MIGA1: variants seen among roughly 807,000 people sequenced by gnomAD.
MIGA1 encodes the protein family with sequence similarity 73, member A.
In MIGA1, 58 loss-of-function variants were observed where a neutral mutation model predicts 82.0. The ratio of observed to expected loss-of-function variants is 0.71; its 90% CI spans 0.57 to 0.88. MIGA1 has a LOEUF of 0.88. Among genes scored for constraint, MIGA1 ranks in the 40% least tolerant of loss-of-function variants. MIGA1 has a pLI of 0.00. For synonymous variants in MIGA1, 249 were observed against 253.6 expected (o/e 0.98, Z 0.17); for missense variants, 751 against 749.1 (o/e 1.00, Z -0.03).
At chr1:77,874,635 G>C (rs1646879559) in intron 15 of MIGA1, among the ~76,000 whole-genome samples, 1 of 151,960 alleles carries the variant, frequency 6.6e-6, no homozygotes, top group Non-Finnish European at 1.5e-5. Flanking sequence ...AGGGTGGGTG[G>C]TATTAGCCCT....
At chr1:77,814,566 A>C (rs911274950) in intron 6 of MIGA1, among the ~76,000 whole-genome samples, 4 of 152,142 alleles carry the variant, frequency 2.6e-5, no homozygotes, top group South Asian at 4.1e-4. Flanking sequence ...CTGGCTTGGA[A>C]TTTTTTAAAG....
intron 7 of MIGA1, among the ~76,000 whole-genome samples, chr1:77,829,744 T>G (rs1422202880): frequency 6.6e-6 from 1 of 152,180 alleles, no homozygotes; most frequent in East Asian, 1.9e-4. Context: ...GTCCTGAGAT[T>G]ACAGGCGTGA....
At chr1:77,848,356 A>G in intron 8 of MIGA1, 1 of 1,210,282 alleles carries the variant, frequency 8.3e-7, no homozygotes, top group Non-Finnish European at 1.2e-6. Flanking sequence ...GAGAAAGGAG[A>G]GAAGGAAGAG....
intron 2 of MIGA1, among the ~76,000 whole-genome samples, chr1:77,787,997 CT>C (rs1315382552): frequency 2.7e-5 from 4 of 149,882 alleles, no homozygotes; most frequent in Non-Finnish European, 5.9e-5. Flanking sequence ...TGTATTTTTT[CT>C]TTTTTTTAGA....
chr1:77,801,309 A>T (rs1438215834), intron 2 of MIGA1, 22 bp from the exon 3 acceptor site: 1 of 1,521,844 alleles, frequency 6.6e-7, no homozygotes, highest in Non-Finnish European at 8.7e-7. Flanking sequence ...ATTTTTTTCA[A>T]TTTTAACTGA....
chr1:77,802,348 G>A (rs1682919225), intron 3 of MIGA1, among the ~76,000 whole-genome samples: 1 of 152,126 alleles, frequency 6.6e-6, no homozygotes. Flanking sequence ...TGTGAATTAG[G>A]ATTATAGTCT....
chr1:77,797,621 T>C (rs999656003), intron 2 of MIGA1, among the ~76,000 whole-genome samples: 1 of 152,188 alleles, frequency 6.6e-6, no homozygotes, highest in African/African-American at 2.4e-5. Flanking sequence ...CTCTCTCCTT[T>C]TATCTTCTTT....
At chr1:77,871,226 G>T (rs922333205) in intron 14 of MIGA1, among the ~76,000 whole-genome samples, 9 of 152,018 alleles carry the variant, frequency 5.9e-5, no homozygotes, top group Non-Finnish European at 8.8e-5. Context: ...TTTAGGCCCG[G>T]CACAGTGGCT....
rs1685666462 is a variant in MIGA1 at position 77,866,321 on chromosome 1, T to C, written c.1510-17T>C. The C allele has an allele frequency of 6.2e-7, 1 of 1,612,948 alleles. No individual in the cohort carries two copies. Among genetic ancestry groups the C allele is most frequent in the Non-Finnish European group, 8.5e-7 (1 of 1,178,962 alleles). On this transcript the variant is annotated splice_polypyrimidine_tract_variant and intron_variant, in intron 13 of 15. Coordinates refer to ENST00000370791, the MANE Select transcript of MIGA1 (RefSeq NM_198549.4). Reference sequence around the variant, plus strand: ...TATAGCTATATATAAATCTTTCTTTTCTCTGCATGTATTTAGGCTGTGGCT... The same window carrying C: ...TATAGCTATATATAAATCTTTCTTTCCTCTGCATGTATTTAGGCTGTGGCT...
At chr1:77,827,085 G>A (rs193003267) in intron 7 of MIGA1, among the ~76,000 whole-genome samples, 4 of 151,500 alleles carry the variant, frequency 2.6e-5, no homozygotes, top group Admixed American at 2.6e-4. Flanking sequence ...GGAATTACAG[G>A]CATGAGCCAC....
At chr1:77,859,678 A>T (rs1379568337) in intron 10 of MIGA1, 1 of 391,712 alleles carries the variant, frequency 2.6e-6, no homozygotes, top group Admixed American at 4.1e-5. Context: ...ACTCTTTCTT[A>T]TTAATTAGTG....
chr1:77,780,520 A>G (rs1681860503), intron 1 of MIGA1, among the ~76,000 whole-genome samples: 1 of 152,182 alleles, frequency 6.6e-6, no homozygotes, highest in Non-Finnish European at 1.5e-5. Context: ...TTTCTTTTTG[A>G]TACTTCAGAC....
At chr1:77,783,805 A>G (rs1274628393) in intron 2 of MIGA1, among the ~76,000 whole-genome samples, 1 of 152,222 alleles carries the variant, frequency 6.6e-6, no homozygotes, top group Non-Finnish European at 1.5e-5. Context: ...CTCAAACTCT[A>G]CAACTGTTTA....
At chr1:77,781,184 C>T (rs1681900239) in intron 1 of MIGA1, among the ~76,000 whole-genome samples, 1 of 152,120 alleles carries the variant, frequency 6.6e-6, no homozygotes, top group Non-Finnish European at 1.5e-5. Flanking sequence ...GCTGGGATTA[C>T]AGGCGTGAGC....
chr1:77,815,591 T>C (rs1683542067), intron 7 of MIGA1, among the ~76,000 whole-genome samples: 1 of 152,198 alleles, frequency 6.6e-6, no homozygotes, highest in Admixed American at 6.5e-5. Flanking sequence ...TAAAATACTT[T>C]AAAGAATTAT....
In MIGA1 at chr1:77,779,694, A is replaced by T; in HGVS notation, c.39A>T (p.Glu13Asp). 4 of 1,586,752 alleles carry T rather than the reference A, an allele frequency of 2.5e-6. No homozygotes were observed. The highest frequency in any genetic ancestry group is 3.4e-6 in the Non-Finnish European group (4 of 1,166,286). ...GCTCAGCGCCAGGCATCAGCTGGGA[A>T]GCTGGCGTGGGCAGGCCAGCTGTAC... is the stretch of plus-strand genomic sequence containing the variant. The change falls in exon 1 of 16, where the codon GAA becomes GAT. Residue 13 changes from glutamate to aspartate, a missense_variant. In the 5' UTR this introduces an upstream ATG that the reference lacks. Coordinates refer to ENST00000370791, the MANE Select transcript of MIGA1 (RefSeq NM_198549.4).
Position 77,843,292 on chromosome 1 carries a change from C to T in MIGA1, c.896-15C>T, listed in dbSNP as rs753447643. On this transcript the variant is annotated splice_polypyrimidine_tract_variant and intron_variant, in intron 7 of 15. Transcript: ENST00000370791. Reference sequence around the variant, plus strand: ...GGAATATCACTTTCTGAACTTTTCACCTTTTACTTTTAAGATAAAGATACA... The same window carrying T: ...GGAATATCACTTTCTGAACTTTTCATCTTTTACTTTTAAGATAAAGATACA... 8.9e-6 allele frequency: 14 copies of T among 1,576,988 alleles called. No individual in the cohort carries two copies. The African/African-American group carries it at 1.5e-4, about 17-fold the overall frequency.
chr1:77,804,610 A>G (rs1388477645), intron 4 of MIGA1, among the ~76,000 whole-genome samples: 1 of 152,210 alleles, frequency 6.6e-6, no homozygotes, highest in East Asian at 1.9e-4. Flanking sequence ...ATGGAGATAA[A>G]CAACATTAAC....
chr1:77,814,763 C>G (rs141070740), intron 6 of MIGA1, among the ~76,000 whole-genome samples: 82 of 152,292 alleles, frequency 5.4e-4, no homozygotes, highest in African/African-American at 1.9e-3. Flanking sequence ...ATGGGTTTCT[C>G]ATTGACTAGG....
Sources: gnomAD v4.1 joint callset for allele counts (sites outside exome capture counted in the v4.1 genomes callset) on GRCh38, gnomAD v4.1.1 for gene constraint, MANE v1.5 for transcripts, NCBI Gene and HGNC (gene_info 2026-07-23, HGNC 2026-07-21) for gene names.